KIRREL3: variants seen among roughly 807,000 people sequenced by gnomAD.
KIRREL3 encodes the protein kirre like nephrin family adhesion molecule 3.
In KIRREL3, 36 loss-of-function variants were observed where a neutral mutation model predicts 89.7. The observed-to-expected ratio is 0.40, with a 90% CI of 0.31 to 0.53. The LOEUF is 0.53. Ranked by LOEUF, KIRREL3 falls within the 20% of genes least tolerant of loss-of-function variation. The probability of loss-of-function intolerance (pLI) is 0.49; values close to 1 mark genes in which losing one functional copy is unlikely to be tolerated. For synonymous variants in KIRREL3, 445 were observed against 441.4 expected, an observed-to-expected ratio of 1.01 and a Z score of -0.10; for missense variants, 864 against 1,056.6, an observed-to-expected ratio of 0.82 and a Z score of 2.53.
intron 1 of KIRREL3, among the ~76,000 whole-genome samples, chr11:126,887,045 A>G (rs944463379): frequency 3.9e-5 from 6 of 152,172 alleles, no homozygotes; most frequent in Non-Finnish European, 5.9e-5. Context: ...CCTATCTCAT[A>G]TGGTTTCACC....
chr11:126,895,956 C>A (rs568245010), intron 1 of KIRREL3, among the ~76,000 whole-genome samples: 1 of 152,284 alleles, frequency 6.6e-6, no homozygotes, highest in East Asian at 1.9e-4. Context: ...GTCACTAGAG[C>A]GAATGGCAAA....
In KIRREL3 at chr11:126,879,223, T is replaced by C. The variant is rs1945406010; in HGVS notation, c.55+121232A>G. ...CTATAACCAGGATGCAGATGCTATA[T>C]GCAGCTGTTATGCAAAGAAGCTCTT... On this transcript the variant is annotated intron_variant, in intron 1 of 16. Transcript: ENST00000525144. This position sits in a 1 kb window ranked among gnomAD's most constrained non-coding sequence, Gnocchi z 5.4. Among the ~76,000 whole-genome samples the C allele has an allele frequency of 6.6e-6, 1 of 152,232 alleles. No homozygotes were observed. The highest frequency in any genetic ancestry group is 2.1e-4 in the South Asian group (1 of 4,826).
rs578138607 is a variant in KIRREL3 at position 126,997,227 on chromosome 11, T to G, written c.55+3228A>C. On this transcript the variant is annotated intron_variant, in intron 1 of 16. Transcript: ENST00000525144. This position sits in a 1 kb window ranked among gnomAD's most constrained non-coding sequence, Gnocchi z 4.3. Reference sequence around the variant, plus strand: ...AAAAATATAGCAAGTTCTAAGTTTATGGATGACAAAAGAATCGATTATTTT... The same window carrying G: ...AAAAATATAGCAAGTTCTAAGTTTAGGGATGACAAAAGAATCGATTATTTT... Among the ~76,000 whole-genome samples the G allele has an allele frequency of 6.6e-6, 1 of 152,334 alleles. No individual in the cohort carries two copies. Among genetic ancestry groups the G allele is most frequent in the East Asian group, 1.9e-4 (1 of 5,186 alleles).
At position 126,485,063 on chromosome 11, in the gene KIRREL3, G is replaced by T. The variant is rs113515014; in HGVS notation, c.434-11597C>A. ...TCAAACGCCTGACCTCAGGTGATCC[G>T]CCCACCTTAGCCTCCAAAGTGCTGG... On this transcript the variant is annotated intron_variant, in intron 4 of 16. Coordinates refer to ENST00000525144, the MANE Select transcript of KIRREL3 (RefSeq NM_032531.4). The surrounding 1 kb of genome is among the most constrained non-coding windows in gnomAD (Gnocchi z 5.8). Among the ~76,000 whole-genome samples the T allele has an allele frequency of 2.0e-3, 298 of 152,112 alleles. 4 individuals carry two copies. The highest frequency in any genetic ancestry group is 6.9e-3 in the African/African-American group (285 of 41,520).
At position 126,437,008 on chromosome 11, in the gene KIRREL3, G is replaced by A. The variant is rs1355099941; in HGVS notation, c.1355C>T (p.Ala452Val). Reference sequence around the variant, plus strand: ...CAGAACGTTCTCCTTCCAGGACCAGGCCTGCCCGGGGGCGCAGAATCAGGA... The same window carrying A: ...CAGAACGTTCTCCTTCCAGGACCAGACCTGCCCGGGGGCGCAGAATCAGGA... ...IRSTPPPDRI[A>V]WSWKENVLES... The change falls in exon 12 of 17, where the codon GCC becomes GTC. Residue 452 changes from alanine (A) to valine (V), a missense_variant and splice_region_variant. Transcript: ENST00000525144. The A allele has an allele frequency of 3.9e-6, 6 of 1,533,202 alleles. No individual in the cohort carries two copies. Among genetic ancestry groups the A allele is most frequent in the Non-Finnish European group, 5.3e-6 (6 of 1,133,744 alleles). 95.0% of individuals were successfully genotyped at this position (1,533,202 alleles called of 1,614,324 possible).
rs193030131 is a variant in KIRREL3 at position 126,677,521 on chromosome 11, C to T, written c.56-114609G>A. 4.6e-5 allele frequency among the ~76,000 whole-genome samples: 7 copies of T among 152,256 alleles called. No individual in the cohort carries two copies. The East Asian group carries it at 5.8e-4, about 13-fold the overall frequency. On this transcript the variant is annotated intron_variant, in intron 1 of 16. Coordinates refer to ENST00000525144, the MANE Select transcript of KIRREL3 (RefSeq NM_032531.4). The surrounding 1 kb of genome is among the most constrained non-coding windows in gnomAD (Gnocchi z 5.1). ...CATTTTAGTTGAGAGTGCTGAGGTT[C>T]GGAGGTGAAATGACTTGTCAGAGGC... is the stretch of plus-strand genomic sequence containing the variant.
chr11:126,845,575 T>C (rs189980018), intron 1 of KIRREL3, among the ~76,000 whole-genome samples: 1 of 152,234 alleles, frequency 6.6e-6, no homozygotes, highest in Non-Finnish European at 1.5e-5. Flanking sequence ...GGAAAACTGG[T>C]CAGCCATGTC....
chr11:126,963,904 C>T (rs1949180232), intron 1 of KIRREL3, among the ~76,000 whole-genome samples: 1 of 152,202 alleles, frequency 6.6e-6, no homozygotes, highest in African/African-American at 2.4e-5. Context: ...AAAATTTGCA[C>T]ATGTCCCATT....
chr11:126,943,504 A>T lies in KIRREL3; in HGVS notation c.55+56951T>A, dbSNP rs1463288286. On this transcript the variant is annotated intron_variant, in intron 1 of 16. Transcript: ENST00000525144. The surrounding 1 kb of genome is among the most constrained non-coding windows in gnomAD (Gnocchi z 4.2). ...CCATTAGGAGTGTACAAGCATATTT[A>T]CACAACGCCATGGAGCATGGGTGAA... Among the ~76,000 whole-genome samples, 2 of 152,234 alleles carry T rather than the reference A, an allele frequency of 1.3e-5. No homozygotes were observed. Among genetic ancestry groups the T allele is most frequent in the Admixed American group, 1.3e-4 (2 of 15,286 alleles).
At chr11:126,446,967 CT>C in intron 8 of KIRREL3, 81 bp from the exon 9 acceptor site, 1 of 1,520,642 alleles carries the variant, frequency 6.6e-7, no homozygotes, top group South Asian at 1.2e-5. Context: ...CCTTTTCCCC[CT>C]AGACCTTGAC....
At chr11:126,745,495 C>CA (rs66469913) in intron 1 of KIRREL3, among the ~76,000 whole-genome samples, 2,631 of 148,576 alleles carry the variant, frequency 0.018, 42 homozygotes, top group Non-Finnish European at 0.023. Context: ...AACAGAAAAA[C>CA]AAAAAAAAAA....
chr11:126,919,160 A>G (rs1474703434), intron 1 of KIRREL3, among the ~76,000 whole-genome samples: 4 of 152,138 alleles, frequency 2.6e-5, no homozygotes, highest in Non-Finnish European at 5.9e-5. Flanking sequence ...ATTAAGGCAT[A>G]GTGCTTTTGT....
intron 1 of KIRREL3, among the ~76,000 whole-genome samples, chr11:126,792,900 C>G (rs1468005989): frequency 6.6e-6 from 1 of 152,074 alleles, no homozygotes; most frequent in Non-Finnish European, 1.5e-5. Flanking sequence ...AGATGAAAAA[C>G]AGTGGTTACT....
rs992908601 is a variant in KIRREL3, at chr11:126,976,151, T to C, written c.55+24304A>G. Among the ~76,000 whole-genome samples, 1 of 151,994 alleles carries C rather than the reference T, an allele frequency of 6.6e-6. No individual in the cohort carries two copies. The highest frequency in any genetic ancestry group is 1.5e-5 in the Non-Finnish European group (1 of 68,016). ...GCACATTATTTGTCACCATGCCACA[T>C]TGTTAGCTCATATTGAGATTTCAAT... On this transcript the variant is annotated intron_variant, in intron 1 of 16. Transcript: ENST00000525144. This position sits in a 1 kb window ranked among gnomAD's most constrained non-coding sequence, Gnocchi z 4.2.
chr11:126,619,172 C>A (rs566808139), intron 1 of KIRREL3, among the ~76,000 whole-genome samples: 28 of 152,306 alleles, frequency 1.8e-4, no homozygotes, highest in Non-Finnish European at 4.0e-4. Flanking sequence ...GAGATAGCAA[C>A]TGAGTTGAGA....
chr11:126,577,913 C>T (rs1941345372), intron 1 of KIRREL3, among the ~76,000 whole-genome samples: 1 of 152,122 alleles, frequency 6.6e-6, no homozygotes, highest in Non-Finnish European at 1.5e-5. Context: ...CAGTGCCATT[C>T]TCACACCCAG....
At chr11:126,767,838 T>C (rs1949877212) in intron 1 of KIRREL3, among the ~76,000 whole-genome samples, 1 of 152,228 alleles carries the variant, frequency 6.6e-6, no homozygotes, top group Admixed American at 6.5e-5. Flanking sequence ...GTTAATGCTA[T>C]GTGGCTGACA....
Position 126,521,507 on chromosome 11 carries a change from A to T in KIRREL3, c.284-43T>A. On this transcript the variant is annotated intron_variant, in intron 3 of 16. Coordinates refer to ENST00000525144, the MANE Select transcript of KIRREL3 (RefSeq NM_032531.4). The surrounding 1 kb of genome is among the most constrained non-coding windows in gnomAD (Gnocchi z 4.1). Reference sequence around the variant, plus strand: ...AGGTCAGGGAGCTGGGGTGGGGTGGAGGGGACACCCATGACAAAGAGGCAC... The same window carrying T: ...AGGTCAGGGAGCTGGGGTGGGGTGGTGGGGACACCCATGACAAAGAGGCAC... The T allele has an allele frequency of 2.6e-6, 4 of 1,535,184 alleles. No homozygotes were observed. Among genetic ancestry groups the T allele is most frequent in the Non-Finnish European group, 3.5e-6 (4 of 1,134,816 alleles).
At chr11:126,518,842 G>A (rs533174843) in intron 4 of KIRREL3, among the ~76,000 whole-genome samples, 23 of 152,360 alleles carry the variant, frequency 1.5e-4, no homozygotes, top group African/African-American at 5.5e-4. Context: ...TCAGCCAGGC[G>A]GAGCCCTGCA....
Sources: allele counts gnomAD v4.1 joint callset (sites outside exome capture counted in the v4.1 genomes callset), GRCh38; gene constraint gnomAD v4.1.1; non-coding constraint Gnocchi (gnomAD v3.1); transcripts MANE v1.5; gene names NCBI Gene and HGNC (gene_info 2026-07-23, HGNC 2026-07-21).